SLC44A5: variants seen among roughly 807,000 people sequenced by gnomAD.
SLC44A5 encodes solute carrier family 44 member 5, also known as choline transporter-like protein 5.
Under a neutral mutation model 101.8 loss-of-function variants are expected in SLC44A5, and 57 were observed. The ratio of observed to expected loss-of-function variants is 0.56; its 90% confidence interval spans 0.45 to 0.70. The LOEUF is 0.70. SLC44A5 is among the 30% of genes least tolerant of loss of function. The pLI is 0.00. For missense variants in SLC44A5, 737 were observed against 853.1 expected, an observed-to-expected ratio of 0.86 and a Z score of 1.70; for synonymous variants, 281 against 290.9, an observed-to-expected ratio of 0.97 and a Z score of 0.35.
chr1:75,468,778 AGTCAATGATAATTTAATT>A (rs1352355442), intron 2 of SLC44A5, among the ~76,000 whole-genome samples: 2 of 152,208 alleles, frequency 1.3e-5, no homozygotes, highest in Non-Finnish European at 2.9e-5. Flanking sequence ...GGGTGACTAT[AGTCAATGATAATTTAATT>A]GTACATGTAA....
At chr1:75,644,080 A>G in the SLC44A5 span, among the ~76,000 whole-genome samples, 1 of 152,198 alleles carries the variant, frequency 6.6e-6, no homozygotes, top group Non-Finnish European at 1.5e-5. Flanking sequence ...GCTTTTGTTA[A>G]AAGATGTAAA....
Position 75,219,292 on chromosome 1 carries a change from G to C in SLC44A5, c.1231C>G (p.His411Asp). The change falls in exon 16 of 24, where the codon CAT becomes GAT. Residue 411 changes from histidine (H) to aspartate (D), a missense_variant. Physicochemically the swap from His to Asp is moderately conservative, Grantham distance 81. This residue lies in a region of SLC44A5 where 665 missense variants were observed against 764.4 expected (regional missense o/e 0.87). Coordinates refer to ENST00000370859, the MANE Select transcript of SLC44A5 (RefSeq NM_001130058.2). ...PVYKVIAPGG[H>D]CIHENQTCDP... ...CAGGTTTGATTTTCATGTATACAAT[G>C]CCCCCCTGGAGCTATGACTTTGTAT... 1 of 1,613,028 alleles carries C rather than the reference G, an allele frequency of 6.2e-7. No homozygotes were observed. Among genetic ancestry groups the C allele is most frequent in the Non-Finnish European group, 8.5e-7 (1 of 1,179,240 alleles).
intron 3 of SLC44A5, among the ~76,000 whole-genome samples, chr1:75,394,483 A>G (rs1266889984): frequency 2.6e-5 from 4 of 151,916 alleles, no homozygotes; most frequent in Non-Finnish European, 5.9e-5. Context: ...ACATGTAGGC[A>G]AGAGAGAGAG....
chr1:75,538,749 A>C (rs1175626527), intron 2 of SLC44A5, among the ~76,000 whole-genome samples: 1 of 152,218 alleles, frequency 6.6e-6, no homozygotes, highest in Non-Finnish European at 1.5e-5. Flanking sequence ...CAAAATTCAC[A>C]TCGGTTTCCA....
At chr1:75,480,434 A>G (rs1476811116) in intron 2 of SLC44A5, among the ~76,000 whole-genome samples, 3 of 152,210 alleles carry the variant, frequency 2.0e-5, no homozygotes, top group Non-Finnish European at 2.9e-5. Context: ...AATAAAGGGT[A>G]TTCGATTAGG....
At chr1:75,251,469 A>G (rs754244650) in intron 6 of SLC44A5, among the ~76,000 whole-genome samples, 175 bp from the exon 7 acceptor site, 1 of 152,036 alleles carries the variant, frequency 6.6e-6, no homozygotes, top group Non-Finnish European at 1.5e-5. Flanking sequence ...TTTTTTTTTA[A>G]TAGTAAAATG....
At chr1:75,556,083 G>A (rs1179292336) in intron 1 of SLC44A5, among the ~76,000 whole-genome samples, 1 of 150,782 alleles carries the variant, frequency 6.6e-6, no homozygotes, top group African/African-American at 2.4e-5. Context: ...GGAGAGTGAT[G>A]GAAAGGAAGG....
chr1:75,330,931 A>G (rs1657001906), intron 4 of SLC44A5, among the ~76,000 whole-genome samples: 1 of 151,784 alleles, frequency 6.6e-6, no homozygotes, highest in African/African-American at 2.4e-5. Flanking sequence ...CCACAACAGA[A>G]CAAAAACCCA....
chr1:75,282,287 T>G (rs1652668292), intron 5 of SLC44A5, among the ~76,000 whole-genome samples: 1 of 152,192 alleles, frequency 6.6e-6, no homozygotes, highest in Non-Finnish European at 1.5e-5. Context: ...TTTTGGCCAA[T>G]TTCTCCCATT....
chr1:75,235,620 A>C (rs1481489472), intron 11 of SLC44A5, among the ~76,000 whole-genome samples: 2 of 152,086 alleles, frequency 1.3e-5, no homozygotes, highest in East Asian at 3.9e-4. Flanking sequence ...CATCAAAATG[A>C]GTAAAATCTC....
chr1:75,521,864 G>GA (rs200394425), intron 2 of SLC44A5: 7 of 153,368 alleles, frequency 4.6e-5, no homozygotes, highest in East Asian at 1.9e-4. Flanking sequence ...GGAAGAACTA[G>GA]AAAAAAAACA....
chr1:75,575,469 G>A (rs755612032), intron 1 of SLC44A5, among the ~76,000 whole-genome samples: 36 of 152,108 alleles, frequency 2.4e-4, no homozygotes, highest in Admixed American at 5.2e-4. Flanking sequence ...ATAGTTAATG[G>A]TATGTCAGCC....
chr1:75,479,769 A>G (rs1443778282), intron 2 of SLC44A5, among the ~76,000 whole-genome samples: 4 of 152,264 alleles, frequency 2.6e-5, no homozygotes, highest in Admixed American at 1.3e-4. Flanking sequence ...ATAGCTTACC[A>G]ACCAAAAAGA....
At chr1:75,298,187 A>G (rs371562397) in intron 5 of SLC44A5, among the ~76,000 whole-genome samples, 23 of 152,300 alleles carry the variant, frequency 1.5e-4, no homozygotes, top group South Asian at 4.1e-4. Context: ...AACCTCTGCC[A>G]TAGTTTCCCC....
the SLC44A5 span, among the ~76,000 whole-genome samples, chr1:75,680,859 G>C: frequency 1.1e-4 from 16 of 150,356 alleles, no homozygotes; most frequent in South Asian, 2.1e-4. Flanking sequence ...ATTGATAGAC[G>C]GCTAGCAAGA....
At chr1:75,205,305 A>C (rs868286795) in intron 23 of SLC44A5, 1 of 152,210 alleles carries the variant, frequency 6.6e-6, no homozygotes, top group Admixed American at 6.5e-5. Flanking sequence ...TGATATTCAG[A>C]TCAACATGTT....
At chr1:75,239,765 T>A (rs527319391) in intron 9 of SLC44A5, among the ~76,000 whole-genome samples, 309 of 152,192 alleles carry the variant, frequency 2.0e-3, no homozygotes, top group Non-Finnish European at 3.5e-3. Flanking sequence ...TGTCAAAACC[T>A]CCAGATATGT....
In SLC44A5 at chr1:75,611,037, C is replaced by A. The variant is rs1292489978; in HGVS notation, c.-70+3G>T. 27 of 984,788 alleles carry A rather than the reference C, an allele frequency of 2.7e-5. No individual in the cohort carries two copies. Among genetic ancestry groups the A allele is most frequent in the Non-Finnish European group, 3.3e-5 (27 of 829,368 alleles). 61.0% of individuals were successfully genotyped at this position (984,788 alleles called of 1,614,324 possible). A position where few individuals can be genotyped will look rare whatever the true frequency, so the allele number is the denominator to read the frequency against. On this transcript the variant is annotated splice_donor_region_variant and intron_variant, in intron 1 of 23. Transcript: ENST00000370859. ...ACTTCTTGCATTTAGCAGTATCACT[C>A]ACCTCTTACTCCATCATTTCTTCAA...
At chr1:75,695,104 C>CT in the SLC44A5 span, among the ~76,000 whole-genome samples, 1 of 152,118 alleles carries the variant, frequency 6.6e-6, no homozygotes, top group African/African-American at 2.4e-5. Context: ...GGGATCAGCT[C>CT]TTTTTTACAC....
Sources: gnomAD v4.1 joint callset for allele counts (sites outside exome capture counted in the v4.1 genomes callset) on GRCh38, gnomAD v4.1.1 for gene constraint, gnomAD v4.1.1 regional missense constraint, MANE v1.5 for transcripts, NCBI Gene and HGNC (gene_info 2026-07-23, HGNC 2026-07-21) for gene names.